PPP2R2B: variants seen among roughly 807,000 people sequenced by gnomAD.
PPP2R2B encodes protein phosphatase 2 regulatory subunit Bbeta, also known as serine/threonine-protein phosphatase 2A 55 kDa regulatory subunit B beta isoform.
In PPP2R2B, 5 loss-of-function variants were observed where a neutral mutation model predicts 46.0. The ratio of observed to expected loss-of-function variants is 0.11; its 90% confidence interval spans 0.06 to 0.23. PPP2R2B has a LOEUF of 0.23. PPP2R2B is among the 10% of genes least tolerant of loss of function. PPP2R2B has a pLI of 1.00. For missense variants in PPP2R2B, 367 were observed against 575.0 expected (o/e 0.64, Z 3.70); for synonymous variants, 215 against 206.7 (o/e 1.04, Z -0.34).
intron 2 of PPP2R2B, among the ~76,000 whole-genome samples, chr5:146,805,024 C>T (rs1206198526): frequency 6.6e-6 from 1 of 152,132 alleles, no homozygotes; most frequent in South Asian, 2.1e-4. Flanking sequence ...CCATAAACAA[C>T]GGCAATTCTC....
upstream of PPP2R2B, among the ~76,000 whole-genome samples, chr5:147,057,022 G>A (rs1307707808): frequency 1.3e-5 from 2 of 152,270 alleles, no homozygotes; most frequent in South Asian, 2.1e-4. Flanking sequence ...AGTGTGCCTT[G>A]AAAATCTGAT....
intron 2 of PPP2R2B, among the ~76,000 whole-genome samples, chr5:146,812,271 T>C (rs1757597911): frequency 6.6e-6 from 1 of 151,230 alleles, no homozygotes; most frequent in Admixed American, 6.6e-5. Context: ...ACTATACACA[T>C]GGATGGTATC....
At chr5:146,805,027 CAATTCTCCTCCT>C (rs1757090930) in intron 2 of PPP2R2B, among the ~76,000 whole-genome samples, 1 of 152,152 alleles carries the variant, frequency 6.6e-6, no homozygotes, top group Non-Finnish European at 1.5e-5. Flanking sequence ...TAAACAACGG[CAATTCTCCTCCT>C]CAAGCTGTGA....
intron 1 of PPP2R2B, among the ~76,000 whole-genome samples, chr5:147,054,053 T>C (rs1561602359): frequency 6.6e-6 from 1 of 152,236 alleles, no homozygotes; most frequent in East Asian, 1.9e-4. Flanking sequence ...CAGAAATTGT[T>C]TTGACATAAG....
chr5:147,060,657 A>C (rs1757230428), upstream of PPP2R2B, among the ~76,000 whole-genome samples: 2 of 152,094 alleles, frequency 1.3e-5, no homozygotes, highest in Non-Finnish European at 2.9e-5. Flanking sequence ...CAAAAAAACA[A>C]AACAAAACAA....
intron 7 of PPP2R2B, chr5:146,607,264 G>A (rs1195289517): frequency 6.6e-6 from 1 of 152,180 alleles, no homozygotes; most frequent in Admixed American, 6.5e-5. Context: ...TTATCCAGCT[G>A]AGGACAGTGA....
At chr5:146,927,414 G>C (rs1291874602) in intron 1 of PPP2R2B, among the ~76,000 whole-genome samples, 2 of 152,080 alleles carry the variant, frequency 1.3e-5, no homozygotes, top group Admixed American at 6.6e-5. Flanking sequence ...GCACATATAA[G>C]ATAACTTCAG....
chr5:146,852,666 C>T (rs192528749), intron 2 of PPP2R2B, among the ~76,000 whole-genome samples: 3 of 152,246 alleles, frequency 2.0e-5, no homozygotes, highest in Admixed American at 2.0e-4. Context: ...TCTCTCCAAA[C>T]ATTCTCAACA....
chr5:147,048,141 G>C (rs187151717), intron 1 of PPP2R2B, among the ~76,000 whole-genome samples: 2 of 152,142 alleles, frequency 1.3e-5, no homozygotes, highest in Non-Finnish European at 2.9e-5. Context: ...AGTTGTGTGC[G>C]TATGCATTTT....
At chr5:147,002,150 C>T (rs2151869891) in intron 1 of PPP2R2B, among the ~76,000 whole-genome samples, 1 of 152,252 alleles carries the variant, frequency 6.6e-6, no homozygotes, top group Non-Finnish European at 1.5e-5. Flanking sequence ...CTATTTTCTC[C>T]TGTAAGAATG....
chr5:146,734,295 A>G (rs1752411985), intron 2 of PPP2R2B, among the ~76,000 whole-genome samples: 1 of 152,028 alleles, frequency 6.6e-6, no homozygotes, highest in African/African-American at 2.4e-5. Flanking sequence ...GGGCTCAAGA[A>G]TTCCTCCTGC....
chr5:146,967,215 C>G (rs1752459880), intron 1 of PPP2R2B, among the ~76,000 whole-genome samples: 1 of 152,172 alleles, frequency 6.6e-6, no homozygotes, highest in African/African-American at 2.4e-5. Context: ...AAACCCAGGC[C>G]TGAGTTTTGG....
At chr5:146,892,642 G>A (rs1762524296) in intron 1 of PPP2R2B, among the ~76,000 whole-genome samples, 1 of 152,128 alleles carries the variant, frequency 6.6e-6, no homozygotes. Context: ...ACTGCCTAGT[G>A]TAAAGTTTCC....
At position 147,014,652 on chromosome 5, in the gene PPP2R2B, C is replaced by T. The variant is rs540244058; in HGVS notation, c.79+41013G>A. Among the ~76,000 whole-genome samples the T allele has an allele frequency of 8.7e-4, 131 of 150,512 alleles. 1 individual carries two copies. Among genetic ancestry groups the T allele is most frequent in the African/African-American group, 2.6e-3 (108 of 40,848 alleles). On this transcript the variant is annotated intron_variant, in intron 1 of 8. Coordinates refer to the PPP2R2B transcript ENST00000336640. ...ATCGCAAGAACAAAAAACCAAACAC[C>T]GCATATTCTCACTCATAGGTGGGAA...
At chr5:146,779,573 G>C (rs527276496) in intron 2 of PPP2R2B, among the ~76,000 whole-genome samples, 1 of 152,274 alleles carries the variant, frequency 6.6e-6, no homozygotes, top group African/African-American at 2.4e-5. Flanking sequence ...GCATGCTGGG[G>C]AGAAGATAAA....
chr5:146,748,700 A>G (rs1312816497), intron 2 of PPP2R2B, among the ~76,000 whole-genome samples: 4 of 152,174 alleles, frequency 2.6e-5, no homozygotes, highest in African/African-American at 9.7e-5. Flanking sequence ...TGTTGATTGT[A>G]TCAATAGCTC....
upstream of PPP2R2B, among the ~76,000 whole-genome samples, chr5:147,058,122 T>A (rs906156238): frequency 3.3e-5 from 5 of 152,210 alleles, no homozygotes; most frequent in Non-Finnish European, 5.9e-5. Flanking sequence ...CCTCACCTAG[T>A]GCCTGCACAA....
chr5:146,851,685 G>A (rs114284946), intron 2 of PPP2R2B, among the ~76,000 whole-genome samples: 1 of 152,016 alleles, frequency 6.6e-6, no homozygotes, highest in Non-Finnish European at 1.5e-5. Context: ...AAAACACAAG[G>A]TATACCTTTT....
At chr5:146,938,676 G>A (rs1406673073) in intron 1 of PPP2R2B, among the ~76,000 whole-genome samples, 3 of 150,934 alleles carry the variant, frequency 2.0e-5, no homozygotes, top group Non-Finnish European at 1.5e-5. Flanking sequence ...AGATTGTCTG[G>A]ATGAAGCAAT....
Sources: gnomAD v4.1 joint callset for allele counts (sites outside exome capture counted in the v4.1 genomes callset) on GRCh38, gnomAD v4.1.1 for gene constraint, MANE v1.5 for transcripts, NCBI Gene and HGNC (gene_info 2026-07-23, HGNC 2026-07-21) for gene names.